Variants in MRPL1 observed in about 807,000 individuals in gnomAD.
MRPL1 encodes mitochondrial ribosomal protein L1.
A neutral mutation model predicts 38.0 loss-of-function variants in MRPL1; 28 were observed. The observed-to-expected ratio is 0.74, with a 90% CI of 0.55 to 1.01. The LOEUF (loss-of-function observed/expected upper bound fraction) is 1.01. MRPL1 is among the 50% of genes least tolerant of loss of function. MRPL1 has a pLI of 0.00. For synonymous variants in MRPL1, 123 were observed against 126.7 expected, an observed-to-expected ratio of 0.97 and a Z score of 0.20; for missense variants, 358 against 389.8, an observed-to-expected ratio of 0.92 and a Z score of 0.69.
At chr4:77,928,781 G>T (rs1259606750) in intron 7 of MRPL1, among the ~76,000 whole-genome samples, 3 of 151,798 alleles carry the variant, frequency 2.0e-5, no homozygotes, top group African/African-American at 4.8e-5. Flanking sequence ...AATTATTTTT[G>T]ATCAAAAACT....
At chr4:77,927,529 A>G (rs1351494434) in intron 7 of MRPL1, among the ~76,000 whole-genome samples, 5 of 152,066 alleles carry the variant, frequency 3.3e-5, no homozygotes, top group African/African-American at 9.7e-5. Context: ...AAAGCAAATA[A>G]AGTATTGTAA....
intron 1 of MRPL1, among the ~76,000 whole-genome samples, chr4:77,865,595 G>T (rs1315661479): frequency 6.6e-6 from 1 of 151,900 alleles, no homozygotes; most frequent in Admixed American, 6.6e-5. Flanking sequence ...CGAGCTCCTG[G>T]GCTCAAGTGA....
chr4:77,901,151 C>T (rs528993160), intron 6 of MRPL1, among the ~76,000 whole-genome samples: 8 of 151,960 alleles, frequency 5.3e-5, no homozygotes, highest in East Asian at 1.9e-4. Context: ...GATAAGCTGG[C>T]GCAACTTTAT....
At chr4:77,874,445 A>G (rs969952812) in intron 2 of MRPL1, among the ~76,000 whole-genome samples, 17 of 152,150 alleles carry the variant, frequency 1.1e-4, no homozygotes, top group African/African-American at 3.6e-4. Context: ...TTCTATTACA[A>G]GTGATCCTGC....
chr4:77,882,056 T>G (rs1727240552), intron 2 of MRPL1, among the ~76,000 whole-genome samples: 1 of 152,188 alleles, frequency 6.6e-6, no homozygotes, highest in African/African-American at 2.4e-5. Flanking sequence ...GTCAGCAAAC[T>G]TTGGCGAGTC....
intron 7 of MRPL1, among the ~76,000 whole-genome samples, chr4:77,913,376 G>A (rs7669917): frequency 0.015 from 2,339 of 152,152 alleles, 60 homozygotes; most frequent in African/African-American, 0.054. Flanking sequence ...GAGATATATA[G>A]ATGACAAACA....
At chr4:77,917,448 C>T (rs1384192159) in intron 7 of MRPL1, among the ~76,000 whole-genome samples, 2 of 152,060 alleles carry the variant, frequency 1.3e-5, no homozygotes, top group African/African-American at 4.8e-5. Context: ...ACCCATGATA[C>T]AGTAGGGATT....
chr4:77,910,713 C>T (rs888239764), intron 7 of MRPL1, among the ~76,000 whole-genome samples: 3 of 152,164 alleles, frequency 2.0e-5, no homozygotes, highest in Non-Finnish European at 2.9e-5. Flanking sequence ...CAGATGTATG[C>T]CACCATGCTA....
chr4:77,923,885 G>C (rs1312571242), intron 7 of MRPL1, among the ~76,000 whole-genome samples: 1 of 151,918 alleles, frequency 6.6e-6, no homozygotes, highest in African/African-American at 2.4e-5. Flanking sequence ...AGGAGAATCG[G>C]TTGAACCTCA....
intron 2 of MRPL1, among the ~76,000 whole-genome samples, chr4:77,876,512 T>C (rs1206887328): frequency 6.6e-6 from 1 of 152,198 alleles, no homozygotes; most frequent in African/African-American, 2.4e-5. Flanking sequence ...GAACAAGAAA[T>C]ATGCCTACTC....
Position 77,883,267 on chromosome 4 carries a change from G to A in MRPL1, c.169G>A (p.Ala57Thr), listed in dbSNP as rs1225495221. ...GTCTGCAAAGAAAACAAAAAAAGGT[G>A]CTAAAGAAAAAACACCAGATGAGAA... Reference protein sequence around the residue: ...TKSAKKTKKGAKEKTPDEKKD... With the variant: ...TKSAKKTKKGTKEKTPDEKKD... The change falls in exon 3 of 9, where the codon GCT (alanine) becomes ACT (threonine). Residue 57 changes from alanine (A) to threonine (T), a missense_variant. Ala to Thr is a moderately conservative substitution (Grantham distance 58). Coordinates refer to ENST00000315567, the MANE Select transcript of MRPL1 (RefSeq NM_020236.4). 1 of 1,582,404 alleles carries A rather than the reference G, an allele frequency of 6.3e-7. No homozygotes were observed. Among genetic ancestry groups the A allele is most frequent in the Admixed American group, 1.9e-5 (1 of 53,406 alleles).
chr4:77,870,175 T>G (rs1735245965), intron 1 of MRPL1, among the ~76,000 whole-genome samples: 1 of 152,226 alleles, frequency 6.6e-6, no homozygotes, highest in South Asian at 2.1e-4. Context: ...ATTACAGACA[T>G]GAGCCACTGT....
chr4:77,907,914 G>C (rs1736196504), intron 6 of MRPL1, among the ~76,000 whole-genome samples: 2 of 144,482 alleles, frequency 1.4e-5, no homozygotes, highest in Admixed American at 1.4e-4. Flanking sequence ...TTTTGAGACA[G>C]AGTCTTGCTC....
At chr4:77,949,090 T>C (rs1737345904) in intron 7 of MRPL1, among the ~76,000 whole-genome samples, 1 of 152,194 alleles carries the variant, frequency 6.6e-6, no homozygotes, top group South Asian at 2.1e-4. Flanking sequence ...TAAAAATTGA[T>C]TTATTTGGCA....
At chr4:77,934,560 G>T (rs551173572) in intron 7 of MRPL1, among the ~76,000 whole-genome samples, 1 of 152,232 alleles carries the variant, frequency 6.6e-6, no homozygotes, top group Admixed American at 6.5e-5. Context: ...AGGATATAGG[G>T]AAACTGGAAC....
chr4:77,907,642 G>A (rs186970370), intron 6 of MRPL1, among the ~76,000 whole-genome samples: 2 of 151,846 alleles, frequency 1.3e-5, no homozygotes, highest in Non-Finnish European at 2.9e-5. Flanking sequence ...TCAGCTCACT[G>A]CAACCTCCGC....
At chr4:77,910,156 T>C (rs1423711872) in intron 7 of MRPL1, among the ~76,000 whole-genome samples, 2 of 152,162 alleles carry the variant, frequency 1.3e-5, no homozygotes, top group African/African-American at 4.8e-5. Context: ...CCCTGTCTTA[T>C]AGATGAAGGC....
In MRPL1 at chr4:77,892,431, G is replaced by A. The variant is rs149269840; in HGVS notation, c.559-1708G>A. On this transcript the variant is annotated intron_variant, in intron 5 of 8. Transcript: ENST00000315567. ...TTACAGGTGTGAGCCACCGCACCAC[G>A]TAGTAATTTCTTAGATAACACATTC... Among the ~76,000 whole-genome samples, 649 of 152,208 alleles carry A rather than the reference G, an allele frequency of 4.3e-3. 7 individuals are homozygous for A. The highest frequency in any genetic ancestry group is 0.015 in the African/African-American group (621 of 41,526).
intron 7 of MRPL1, among the ~76,000 whole-genome samples, chr4:77,922,663 AT>A (rs543183717): frequency 9.8e-4 from 149 of 152,314 alleles, no homozygotes; most frequent in African/African-American, 3.2e-3. Flanking sequence ...AGTTTATGGA[AT>A]TTACTGATTG....
Sources: allele counts gnomAD v4.1 joint callset (sites outside exome capture counted in the v4.1 genomes callset), GRCh38; gene constraint gnomAD v4.1.1; transcripts MANE v1.5; gene names NCBI Gene and HGNC (gene_info 2026-07-23, HGNC 2026-07-21).